Variants in GNB1 observed in about 807,000 individuals in gnomAD.
GNB1 encodes guanine nucleotide-binding protein G(I)/G(S)/G(T) subunit beta-1.
GNB1 carries 2 observed loss-of-function variants against 42.9 expected under a neutral mutation model. The ratio of observed to expected loss-of-function variants is 0.05; its 90% CI spans 0.02 to 0.15. The LOEUF (loss-of-function observed/expected upper bound fraction) is 0.15, where lower values mean the gene tolerates loss of function less well. Among genes scored for constraint, GNB1 ranks in the 10% least tolerant of loss-of-function variants. GNB1 has a pLI of 1.00. For missense variants in GNB1, 193 were observed against 462.2 expected (o/e 0.42, Z 5.34); for synonymous variants, 183 against 174.7 (o/e 1.05, Z -0.38).
chr1:1,818,819 C>T (rs1390209958), intron 3 of GNB1, among the ~76,000 whole-genome samples: 7 of 151,928 alleles, frequency 4.6e-5, no homozygotes, highest in Admixed American at 2.0e-4. Flanking sequence ...GCCGAGACTG[C>T]GCCACTGCAC....
intron 1 of GNB1, among the ~76,000 whole-genome samples, chr1:1,859,578 G>A (rs1648498204): frequency 6.6e-6 from 1 of 152,106 alleles, no homozygotes. Flanking sequence ...TCTGCCCTCA[G>A]GGATGAGACG....
At chr1:1,836,485 G>A (rs1192233447) in intron 2 of GNB1, among the ~76,000 whole-genome samples, 5 of 149,416 alleles carry the variant, frequency 3.3e-5, no homozygotes, top group Admixed American at 1.3e-4. Context: ...TCAACATCCC[G>A]GGCTCAAGTG....
At chr1:1,870,464 T>A (rs1387806781) in intron 1 of GNB1, among the ~76,000 whole-genome samples, 1 of 152,222 alleles carries the variant, frequency 6.6e-6, no homozygotes, top group East Asian at 1.9e-4. Flanking sequence ...GGATTATAGT[T>A]ATAAGCCACT....
chr1:1,810,022 C>G (rs556165187), intron 5 of GNB1, among the ~76,000 whole-genome samples: 1 of 151,854 alleles, frequency 6.6e-6, no homozygotes, highest in South Asian at 2.1e-4. Flanking sequence ...TGGTTAAGTC[C>G]AGGAGTTTGA....
At chr1:1,817,075 C>A (rs1646868255) in intron 4 of GNB1, among the ~76,000 whole-genome samples, 1 of 152,154 alleles carries the variant, frequency 6.6e-6, no homozygotes, top group Admixed American at 6.6e-5. Context: ...GACATTGATT[C>A]AGCAGTCACT....
chr1:1,818,224 C>T (rs1243171582), intron 3 of GNB1: 2 of 164,962 alleles, frequency 1.2e-5, no homozygotes, highest in African/African-American at 2.4e-5. Flanking sequence ...CTCACTGCTG[C>T]ACAGGCTGGC....
At chr1:1,882,453 G>C (rs1482856753) in intron 1 of GNB1, among the ~76,000 whole-genome samples, 1 of 140,882 alleles carries the variant, frequency 7.1e-6, no homozygotes, top group East Asian at 2.1e-4. Context: ...AAAAAAAAGA[G>C]AGAAGGTGCT....
At chr1:1,866,570 C>T (rs1054346395) in intron 1 of GNB1, among the ~76,000 whole-genome samples, 2 of 151,790 alleles carry the variant, frequency 1.3e-5, no homozygotes, top group Non-Finnish European at 2.9e-5. Flanking sequence ...CTTCCCTGGG[C>T]CACATTGGAG....
chr1:1,838,439 TTTTTC>T (rs981956378), intron 2 of GNB1, among the ~76,000 whole-genome samples: 6 of 149,744 alleles, frequency 4.0e-5, no homozygotes, highest in South Asian at 2.1e-4. Flanking sequence ...ACCTTACTTT[TTTTTC>T]TTTTCTTTTT....
At chr1:1,859,339 T>A (rs951504313) in intron 1 of GNB1, among the ~76,000 whole-genome samples, 9 of 147,960 alleles carry the variant, frequency 6.1e-5, no homozygotes, top group Admixed American at 2.0e-4. Context: ...AGTTTTCAAA[T>A]GGCTACCCTA....
At chr1:1,888,672 T>C (rs533625711) in intron 1 of GNB1, among the ~76,000 whole-genome samples, 2 of 152,126 alleles carry the variant, frequency 1.3e-5, no homozygotes, top group South Asian at 2.1e-4. Context: ...ACCCTATCTC[T>C]ACTAAAAATA....
At chr1:1,817,736 C>T in intron 4 of GNB1, 101 bp downstream of exon 4, 1 of 773,502 alleles carries the variant, frequency 1.3e-6, no homozygotes. Context: ...CCTCACTGCG[C>T]AACAGAGAAT....
At chr1:1,830,565 TA>T (rs1444933134) in intron 2 of GNB1, among the ~76,000 whole-genome samples, 1 of 151,950 alleles carries the variant, frequency 6.6e-6, no homozygotes, top group Non-Finnish European at 1.5e-5. Context: ...TTACATTTTT[TA>T]AAAAAAATTT....
At chr1:1,813,115 C>T (rs1181733956) in intron 5 of GNB1, among the ~76,000 whole-genome samples, 1 of 151,978 alleles carries the variant, frequency 6.6e-6, no homozygotes, top group Non-Finnish European at 1.5e-5. Context: ...CTACTTTTGA[C>T]AATAAATTCT....
At chr1:1,845,221 G>A (rs143356388) in intron 1 of GNB1, among the ~76,000 whole-genome samples, 2 of 152,290 alleles carry the variant, frequency 1.3e-5, no homozygotes, top group Admixed American at 1.3e-4. Flanking sequence ...CAAACGTGGG[G>A]GTACATTCTA....
intron 1 of GNB1, among the ~76,000 whole-genome samples, chr1:1,877,298 C>CAAAA (rs67155402): frequency 1.6e-5 from 2 of 124,740 alleles, no homozygotes; most frequent in Non-Finnish European, 1.7e-5. Flanking sequence ...GACTCTGTCT[C>CAAAA]AAAAAAAAAA....
rs1201621629 is a variant in GNB1 at position 1,884,244 on chromosome 1, C to T, written c.-96+6576G>A. On this transcript the variant is annotated intron_variant, in intron 1 of 11. Coordinates refer to ENST00000378609, the MANE Select transcript of GNB1 (RefSeq NM_002074.5). ...CCTCCCGAGTAGCTGGAATTACAGG[C>T]ATGCATCACCATGCCTGGGTAATTT... is the stretch of plus-strand genomic sequence containing the variant. 2.0e-5 allele frequency among the ~76,000 whole-genome samples: 3 copies of T among 151,922 alleles called. No homozygotes were observed. The East Asian group carries it at 5.8e-4, about 29-fold the overall frequency.
chr1:1,878,156 C>T (rs1473779465), intron 1 of GNB1, among the ~76,000 whole-genome samples: 2 of 152,138 alleles, frequency 1.3e-5, no homozygotes, highest in Admixed American at 6.6e-5. Context: ...GTGAGGACCA[C>T]GCAGTAATAG....
intron 3 of GNB1, among the ~76,000 whole-genome samples, chr1:1,821,703 C>T (rs1019050512): frequency 3.3e-5 from 5 of 152,312 alleles, no homozygotes; most frequent in Admixed American, 6.5e-5. Context: ...CGTCCCACCG[C>T]GGGGGCCATG....
Sources: allele counts gnomAD v4.1 joint callset (sites outside exome capture counted in the v4.1 genomes callset), GRCh38; gene constraint gnomAD v4.1.1; transcripts MANE v1.5; gene names NCBI Gene and HGNC (gene_info 2026-07-23, HGNC 2026-07-21).